HTT: variants seen among roughly 807,000 people sequenced by gnomAD.
The protein encoded by HTT is huntingtin.
Under a neutral mutation model 362.3 loss-of-function variants are expected in HTT, and 104 were observed. The observed-to-expected ratio is 0.29, with a 90% CI of 0.24 to 0.34. The LOEUF (loss-of-function observed/expected upper bound fraction) is 0.34. Ranked by LOEUF, HTT falls within the 10% of genes least tolerant of loss-of-function variation. The probability of loss-of-function intolerance (pLI) is 1.00; values close to 1 mark genes in which losing one functional copy is unlikely to be tolerated. For missense variants in HTT, 3,301 were observed against 3,928.6 expected (o/e 0.84, Z 4.27); for synonymous variants, 1,577 against 1,548.7 (o/e 1.02, Z -0.43).
Position 3,157,133 on chromosome 4 carries a change from T to C in HTT, c.3687T>C (p.Ser1229=), listed in dbSNP as rs1231844298. Residue 1229 remains serine (S), a synonymous_variant, in exon 28 of 67, where the codon AGT becomes AGC. Coordinates refer to ENST00000355072, the MANE Select transcript of HTT (RefSeq NM_001388492.1). ...CAAGTAAATCCTCATCACTGGGGAG[T>C]TTCTATCATCTTCCTTCATACCTCA... ...VTTSKSSSLG[S]FYHLPSYLKL... 6 of 1,613,268 alleles carry C rather than the reference T, an allele frequency of 3.7e-6. No individual in the cohort carries two copies. Among genetic ancestry groups the C allele is most frequent in the Non-Finnish European group, 5.1e-6 (6 of 1,179,492 alleles).
At chr4:3,217,711 G>C in intron 51 of HTT, 54 bp from the exon 52 acceptor site, 1 of 1,451,792 alleles carries the variant, frequency 6.9e-7, no homozygotes, top group Non-Finnish European at 9.5e-7. Flanking sequence ...TTTCTACACT[G>C]GGCATATAGG....
intron 19 of HTT, among the ~76,000 whole-genome samples, chr4:3,135,067 A>T (rs886754113): frequency 1.1e-4 from 17 of 151,520 alleles, no homozygotes; most frequent in African/African-American, 2.4e-5. Flanking sequence ...TTTTTTTGGT[A>T]GTCCTCGTCA....
At chr4:3,199,556 A>G (rs1296294915) in intron 40 of HTT, among the ~76,000 whole-genome samples, 176 bp from the exon 41 acceptor site, 1 of 151,842 alleles carries the variant, frequency 6.6e-6, no homozygotes, top group Non-Finnish European at 1.5e-5. Flanking sequence ...AAAAAAAAAA[A>G]GTAGGATATC....
chr4:3,134,369 G>A (rs1715964931), intron 18 of HTT, 32 bp from the exon 19 acceptor site: 1 of 1,603,594 alleles, frequency 6.2e-7, no homozygotes, highest in African/African-American at 1.3e-5. Flanking sequence ...GGACTAACCT[G>A]CTGTCCTCTT....
chr4:3,090,885 G>T (rs1054133112), intron 2 of HTT, among the ~76,000 whole-genome samples: 5 of 152,240 alleles, frequency 3.3e-5, no homozygotes, highest in East Asian at 3.8e-4. Flanking sequence ...GCTGAGGCAG[G>T]CAGATCACCT....
At chr4:3,161,240 AG>A (rs1717426076) in intron 29 of HTT, among the ~76,000 whole-genome samples, 1 of 152,200 alleles carries the variant, frequency 6.6e-6, no homozygotes, top group Admixed American at 6.5e-5. Flanking sequence ...GTGCCTGCAA[AG>A]GACATGAACT....
intron 6 of HTT, among the ~76,000 whole-genome samples, chr4:3,112,445 C>G (rs1714802788): frequency 6.6e-6 from 1 of 152,176 alleles, no homozygotes; most frequent in Non-Finnish European, 1.5e-5. Context: ...GCCTTCCTCC[C>G]CAAGGTCATG....
In HTT at chr4:3,190,735, A is replaced by C. The variant is rs190068209; in HGVS notation, c.5368+1642A>C. ...CAAGGACAGTGAACCCAAGAAAGTC[A>C]TAAGATGCCAGCTGTGCAGCAAGCA... On this transcript the variant is annotated intron_variant, in intron 40 of 66. Transcript: ENST00000355072. Among the ~76,000 whole-genome samples, 53 of 152,322 alleles carry C rather than the reference A, an allele frequency of 3.5e-4. No individual in the cohort carries two copies. The East Asian group carries it at 9.8e-3, about 28-fold the overall frequency.
chr4:3,077,895 T>C (rs1161224892), intron 1 of HTT, among the ~76,000 whole-genome samples: 1 of 152,216 alleles, frequency 6.6e-6, no homozygotes, highest in Non-Finnish European at 1.5e-5. Context: ...AAAGTTTGGA[T>C]TTTGGCAGTT....
chr4:3,235,140 C>A, intron 61 of HTT, 144 bp from the exon 62 acceptor site: 1 of 625,470 alleles, frequency 1.6e-6, no homozygotes, highest in Admixed American at 2.6e-5. Context: ...GTTGCAGGGG[C>A]CTGGGGGAGC....
At chr4:3,181,589 T>A (rs1160507455) in intron 36 of HTT, among the ~76,000 whole-genome samples, 1 of 152,190 alleles carries the variant, frequency 6.6e-6, no homozygotes, top group Non-Finnish European at 1.5e-5. Context: ...TGTTTGTCTT[T>A]GAATCTTCAT....
intron 28 of HTT, among the ~76,000 whole-genome samples, chr4:3,158,706 A>G (rs939574053): frequency 9.2e-5 from 14 of 151,982 alleles, no homozygotes; most frequent in Admixed American, 6.6e-5. Context: ...AGGATGTTTG[A>G]TAATTTTGGA....
At chr4:3,160,518 C>G (rs544283103) in intron 29 of HTT, 126 bp downstream of exon 29, 5 of 681,218 alleles carry the variant, frequency 7.3e-6, no homozygotes. Flanking sequence ...CCCTGCCCCA[C>G]GTGCTTGCGT....
chr4:3,135,231 T>G lies in HTT; in HGVS notation c.2634-673T>G, dbSNP rs1378688487. On this transcript the variant is annotated intron_variant, in intron 19 of 66. Coordinates refer to ENST00000355072, the MANE Select transcript of HTT (RefSeq NM_001388492.1). ...CTAGGTAAGACAGCTGGTTTATATT[T>G]TGTTGCAATTAAAAAACGTGAGCTG... Among the ~76,000 whole-genome samples, 3 of 152,056 alleles carry G rather than the reference T, an allele frequency of 2.0e-5. No individual in the cohort carries two copies. The East Asian group carries it at 5.8e-4, about 29-fold the overall frequency.
Position 3,235,545 on chromosome 4 carries a change from A to C in HTT, c.8572-20A>C. Reference sequence around the variant, plus strand: ...ACTGTGCAGCGATTCTTTGACACAGAGGCCTTTCTCCCTGTGCAGATGTGT... The same window carrying C: ...ACTGTGCAGCGATTCTTTGACACAGCGGCCTTTCTCCCTGTGCAGATGTGT... On this transcript the variant is annotated intron_variant, in intron 62 of 66. Coordinates refer to ENST00000355072, the MANE Select transcript of HTT (RefSeq NM_001388492.1). 6.2e-7 allele frequency: 1 copy of C among 1,607,524 alleles called. No homozygotes were observed. Among genetic ancestry groups the C allele is most frequent in the Non-Finnish European group, 8.5e-7 (1 of 1,174,184 alleles).
At chr4:3,144,898 G>C (rs568295294) in intron 23 of HTT, among the ~76,000 whole-genome samples, 11 of 152,312 alleles carry the variant, frequency 7.2e-5, no homozygotes, top group Non-Finnish European at 1.6e-4. Flanking sequence ...AGGCGGAAGG[G>C]TGGGAGATCA....
chr4:3,141,285 G>A (rs1716332857), intron 22 of HTT, among the ~76,000 whole-genome samples: 1 of 152,072 alleles, frequency 6.6e-6, no homozygotes, highest in African/African-American at 2.4e-5. Flanking sequence ...TTTAAAAATT[G>A]GCTTTATATG....
intron 31 of HTT, 74 bp downstream of exon 31, chr4:3,173,205 T>TA: frequency 3.2e-6 from 4 of 1,237,658 alleles, no homozygotes; most frequent in Non-Finnish European, 4.7e-6. Context: ...TGTAAAAGAA[T>TA]AAAAACGAAA....
intron 23 of HTT, among the ~76,000 whole-genome samples, chr4:3,143,311 C>T (rs1212690286): frequency 1.3e-5 from 2 of 151,484 alleles, no homozygotes; most frequent in Non-Finnish European, 2.9e-5. Flanking sequence ...GTGGCGGGCG[C>T]CTGTAATCCC....
Sources: allele counts gnomAD v4.1 joint callset (sites outside exome capture counted in the v4.1 genomes callset), GRCh38; gene constraint gnomAD v4.1.1; transcripts MANE v1.5; gene names NCBI Gene and HGNC (gene_info 2026-07-23, HGNC 2026-07-21).